Variants in SDK1 observed in about 807,000 individuals in gnomAD.
SDK1 encodes the protein protein sidekick-1.
In SDK1, 157 loss-of-function variants were observed where a neutral mutation model predicts 245.5. The observed-to-expected ratio is 0.64, with a 90% CI of 0.56 to 0.73. The LOEUF (loss-of-function observed/expected upper bound fraction) is 0.73, where lower values mean the gene tolerates loss of function less well. SDK1 is among the 30% of genes least tolerant of loss of function. The probability of loss-of-function intolerance (pLI) is 0.00; values close to 1 mark genes in which losing one functional copy is unlikely to be tolerated. For synonymous variants in SDK1, 1,647 were observed against 1,278.5 expected, an observed-to-expected ratio of 1.29 and a Z score of -6.15; for missense variants, 3,583 against 3,002.3, an observed-to-expected ratio of 1.19 and a Z score of -4.52.
rs998984293 is a variant in SDK1 at position 3,775,015 on chromosome 7, C to A, written c.714-46435C>A. ...GCCCCAGGGAACTGTGAAGGCTGGA[C>A]AGTGCTCGGCGCTGATCGATGGCAG... On this transcript the variant is annotated intron_variant, in intron 4 of 44. Transcript: ENST00000404826. Among the ~76,000 whole-genome samples the A allele has an allele frequency of 1.7e-3, 261 of 152,286 alleles. 2 individuals are homozygous for A. Among genetic ancestry groups the A allele is most frequent in the African/African-American group, 6.2e-3 (257 of 41,568 alleles).
intron 1 of SDK1, among the ~76,000 whole-genome samples, chr7:3,537,535 A>G (rs1417932224): frequency 1.3e-5 from 2 of 152,296 alleles, no homozygotes; most frequent in South Asian, 2.1e-4. Context: ...TGGATTCTCC[A>G]TTGTGGCACC....
chr7:3,396,986 A>G (rs992061135), intron 1 of SDK1, among the ~76,000 whole-genome samples: 13 of 151,802 alleles, frequency 8.6e-5, no homozygotes, highest in Non-Finnish European at 1.6e-4. Context: ...TCTTAAATGC[A>G]TCATTCTTGT....
intron 30 of SDK1, 27 bp downstream of exon 30, chr7:4,149,490 C>G (rs1780210208): frequency 7.1e-7 from 1 of 1,410,470 alleles, no homozygotes; most frequent in East Asian, 2.8e-5. Context: ...AGCACCTCCC[C>G]GGGGAACGGG....
intron 1 of SDK1, among the ~76,000 whole-genome samples, chr7:3,381,571 G>T (rs765853318): frequency 3.7e-4 from 56 of 152,142 alleles, no homozygotes; most frequent in Non-Finnish European, 1.0e-4. Context: ...AAAGGCTGGC[G>T]ATACTGTAGC....
chr7:3,569,921 A>G (rs1271594559), intron 1 of SDK1, among the ~76,000 whole-genome samples: 1 of 152,142 alleles, frequency 6.6e-6, no homozygotes, highest in Non-Finnish European at 1.5e-5. Context: ...ATAAACCACC[A>G]TCTCCTTTTC....
At chr7:4,151,076 G>T (rs1027830814) in intron 30 of SDK1, among the ~76,000 whole-genome samples, 1 of 152,150 alleles carries the variant, frequency 6.6e-6, no homozygotes, top group African/African-American at 2.4e-5. Flanking sequence ...TGCCAGTATC[G>T]CCTTTGCCAC....
chr7:4,265,915 A>C lies in SDK1; in HGVS notation c.*531A>C. 1.0e-6 allele frequency: 1 copy of C among 986,050 alleles called. No homozygotes were observed. The highest frequency in any genetic ancestry group is 1.2e-6 in the Non-Finnish European group (1 of 830,396). The allele number at this position is 986,050 out of a possible 1,614,324, so 61.1% of individuals were successfully genotyped here. On this transcript the variant is annotated 3_prime_UTR_variant, in exon 45 of 45. Coordinates refer to ENST00000404826, the MANE Select transcript of SDK1 (RefSeq NM_152744.4). ...CCTGGGCTCAGTGCGTTTTGTCCCAACTTCATCTGTTTCTGAAATGTTCTC... is the reference window on the plus strand; with the variant it reads ...CCTGGGCTCAGTGCGTTTTGTCCCACCTTCATCTGTTTCTGAAATGTTCTC...
chr7:3,530,680 T>C (rs990995968), intron 1 of SDK1, among the ~76,000 whole-genome samples: 12 of 152,208 alleles, frequency 7.9e-5, no homozygotes, highest in African/African-American at 1.4e-4. Context: ...TTCAGAATTA[T>C]TGTGAATATG....
chr7:3,377,420 C>G (rs944117751), intron 1 of SDK1, among the ~76,000 whole-genome samples: 1 of 152,166 alleles, frequency 6.6e-6, no homozygotes, highest in Non-Finnish European at 1.5e-5. Context: ...ACTGCAGGCT[C>G]TGGAATGTGG....
At chr7:3,601,023 C>A (rs865865004) in intron 1 of SDK1, among the ~76,000 whole-genome samples, 1 of 152,052 alleles carries the variant, frequency 6.6e-6, no homozygotes, top group South Asian at 2.1e-4. Context: ...TAGATTCTTT[C>A]TTTTTTTGTT....
chr7:4,192,990 G>C (rs373564790), intron 35 of SDK1, among the ~76,000 whole-genome samples: 4 of 141,672 alleles, frequency 2.8e-5, no homozygotes, highest in African/African-American at 1.0e-4. Context: ...GAACCAATAG[G>C]CTATATATAA....
At chr7:3,550,663 T>G (rs1352401593) in intron 1 of SDK1, among the ~76,000 whole-genome samples, 1 of 152,236 alleles carries the variant, frequency 6.6e-6, no homozygotes, top group Non-Finnish European at 1.5e-5. Context: ...ATTTGACAGA[T>G]GTGTTCAGAA....
chr7:3,642,520 A>T (rs1455927851), intron 4 of SDK1, among the ~76,000 whole-genome samples: 3 of 152,014 alleles, frequency 2.0e-5, no homozygotes, highest in African/African-American at 7.2e-5. Flanking sequence ...CATGTTTGAT[A>T]CTGCTTTCTC....
chr7:3,678,098 C>G (rs942886658), intron 4 of SDK1, among the ~76,000 whole-genome samples: 1 of 152,198 alleles, frequency 6.6e-6, no homozygotes, highest in African/African-American at 2.4e-5. Context: ...CTTCACACCC[C>G]TTGTAACAGC....
intron 5 of SDK1, among the ~76,000 whole-genome samples, chr7:3,901,345 C>A (rs1781784212): frequency 6.6e-6 from 1 of 152,062 alleles, no homozygotes; most frequent in Admixed American, 6.5e-5. Flanking sequence ...TGCCACCACG[C>A]CCGGTTAATT....
chr7:3,880,401 A>T (rs1339121320), intron 5 of SDK1, among the ~76,000 whole-genome samples: 1 of 152,148 alleles, frequency 6.6e-6, no homozygotes, highest in Admixed American at 6.5e-5. Flanking sequence ...GAGAACCAGC[A>T]CGGGGCGGGG....
chr7:3,950,103 C>T (rs1214617011), intron 5 of SDK1, among the ~76,000 whole-genome samples: 1 of 152,166 alleles, frequency 6.6e-6, no homozygotes, highest in African/African-American at 2.4e-5. Flanking sequence ...AAATGCCAAA[C>T]AGTTTAAATA....
In SDK1 at chr7:4,132,379, G is replaced by T. The variant is rs141481774; in HGVS notation, c.4184G>T (p.Arg1395Leu). Reference protein sequence around the residue: ...VFPEVRLTSVRIVWQPPEEPN... With the variant: ...VFPEVRLTSVLIVWQPPEEPN... Reference sequence around the variant, plus strand: ...CCCGAAGTGAGACTCACCTCCGTGCGGATAGTGTGGCAACCTCCGGAGGAG... The same window carrying T: ...CCCGAAGTGAGACTCACCTCCGTGCTGATAGTGTGGCAACCTCCGGAGGAG... The change falls in exon 28 of 45, where the codon CGG becomes CTG. Residue 1395 changes from arginine to leucine, a missense_variant. Arg to Leu is a moderately radical substitution (Grantham distance 102). Coordinates refer to ENST00000404826, the MANE Select transcript of SDK1 (RefSeq NM_152744.4). The T allele has an allele frequency of 8.7e-6, 14 of 1,612,932 alleles. No individual in the cohort carries two copies. The highest frequency in any genetic ancestry group is 6.6e-5 in the South Asian group (6 of 90,986).
chr7:3,831,616 G>C (rs1478267715), intron 5 of SDK1, among the ~76,000 whole-genome samples: 1 of 152,034 alleles, frequency 6.6e-6, no homozygotes, highest in African/African-American at 2.4e-5. Flanking sequence ...ATATCCTATG[G>C]TTTAACTTCA....
Sources: allele counts gnomAD v4.1 joint callset (sites outside exome capture counted in the v4.1 genomes callset), GRCh38; gene constraint gnomAD v4.1.1; transcripts MANE v1.5; gene names NCBI Gene and HGNC (gene_info 2026-07-23, HGNC 2026-07-21).